The following TAFA1 variants were observed in gnomAD, a reference collection of about 807,000 sequenced individuals.
TAFA1 encodes chemokine-like protein TAFA-1.
Under a neutral mutation model 18.5 loss-of-function variants are expected in TAFA1, and 4 were observed. That is an observed-to-expected ratio of 0.22 (90% confidence interval 0.11 to 0.49). TAFA1 has a LOEUF of 0.49. Among genes scored for constraint, TAFA1 ranks in the 20% least tolerant of loss-of-function variants. TAFA1 has a pLI of 0.98. For synonymous variants in TAFA1, 56 were observed against 55.2 expected, an observed-to-expected ratio of 1.01 and a Z score of -0.06; for missense variants, 147 against 169.0, an observed-to-expected ratio of 0.87 and a Z score of 0.72.
At chr3:68,035,864 T>C (rs1705035903) in intron 2 of TAFA1, among the ~76,000 whole-genome samples, 1 of 152,096 alleles carries the variant, frequency 6.6e-6, no homozygotes, top group South Asian at 2.1e-4. Context: ...TACAGAAACA[T>C]GCAGCAACAG....
chr3:67,994,450 A>G, the TAFA1 span, among the ~76,000 whole-genome samples: 2 of 152,172 alleles, frequency 1.3e-5, no homozygotes, highest in Admixed American at 1.3e-4. Context: ...TTATATTTCC[A>G]TTGTTATAGG....
intron 2 of TAFA1, among the ~76,000 whole-genome samples, chr3:68,149,553 G>A (rs113318201): frequency 4.6e-5 from 7 of 152,256 alleles, no homozygotes; most frequent in African/African-American, 1.7e-4. Context: ...TGGCAAGAGA[G>A]GAAGTAAGAG....
At chr3:68,025,721 C>T (rs1704800018) in intron 2 of TAFA1, among the ~76,000 whole-genome samples, 1 of 152,136 alleles carries the variant, frequency 6.6e-6, no homozygotes, top group African/African-American at 2.4e-5. Flanking sequence ...ATGCTCTTCC[C>T]CAGATGTCTA....
chr3:68,428,359 G>T (rs2071098324), intron 3 of TAFA1, among the ~76,000 whole-genome samples: 1 of 151,840 alleles, frequency 6.6e-6, no homozygotes, highest in Admixed American at 6.6e-5. Flanking sequence ...TTTATTAGCT[G>T]CCTTCAAGTG....
chr3:68,309,387 C>A (rs914809817), intron 2 of TAFA1, among the ~76,000 whole-genome samples: 1 of 152,140 alleles, frequency 6.6e-6, no homozygotes, highest in Non-Finnish European at 1.5e-5. Context: ...TGAACACCTA[C>A]AATAATCAAG....
chr3:68,341,494 C>T (rs1157683845), intron 2 of TAFA1, among the ~76,000 whole-genome samples: 2 of 152,148 alleles, frequency 1.3e-5, no homozygotes, highest in Non-Finnish European at 2.9e-5. Flanking sequence ...CAGCTAGAGG[C>T]TGCATGGCTC....
intron 2 of TAFA1, among the ~76,000 whole-genome samples, chr3:68,086,017 C>G (rs574302684): frequency 6.6e-6 from 1 of 152,184 alleles, no homozygotes; most frequent in Admixed American, 6.5e-5. Flanking sequence ...GATGAGCCCA[C>G]GATTCTCCCC....
At chr3:68,450,239 G>A (rs1433492789) in intron 3 of TAFA1, among the ~76,000 whole-genome samples, 1 of 152,164 alleles carries the variant, frequency 6.6e-6, no homozygotes, top group South Asian at 2.1e-4. Context: ...GTTTGTACTT[G>A]GAGGCTGTTT....
chr3:68,043,114 TG>T (rs1055627507), intron 2 of TAFA1, among the ~76,000 whole-genome samples: 1 of 152,038 alleles, frequency 6.6e-6, no homozygotes, highest in Admixed American at 6.6e-5. Flanking sequence ...TCACGTGATC[TG>T]CCTGCCTCGG....
chr3:68,280,879 G>A (rs140476891), intron 2 of TAFA1, among the ~76,000 whole-genome samples: 45 of 152,178 alleles, frequency 3.0e-4, no homozygotes, highest in Admixed American at 5.9e-4. Context: ...TCAACTTTGT[G>A]TTCTTAGGCA....
intron 2 of TAFA1, among the ~76,000 whole-genome samples, chr3:68,271,557 T>C (rs56285061): frequency 0.015 from 2,321 of 152,210 alleles, 61 homozygotes; most frequent in East Asian, 0.11. Context: ...GGGAGTAAAA[T>C]GACACGTTCC....
chr3:68,128,207 C>T (rs1025971051), intron 2 of TAFA1, among the ~76,000 whole-genome samples: 5 of 152,128 alleles, frequency 3.3e-5, no homozygotes, highest in Non-Finnish European at 7.4e-5. Context: ...AGGCTACACA[C>T]TTAACTCCAT....
At chr3:68,431,899 G>A (rs2071181612) in intron 3 of TAFA1, among the ~76,000 whole-genome samples, 1 of 151,866 alleles carries the variant, frequency 6.6e-6, no homozygotes, top group Non-Finnish European at 1.5e-5. Flanking sequence ...ACTCTAAGGG[G>A]TCCACGTGAA....
intron 3 of TAFA1, among the ~76,000 whole-genome samples, chr3:68,492,926 C>T (rs1441005616): frequency 6.6e-6 from 1 of 152,124 alleles, no homozygotes; most frequent in East Asian, 1.9e-4. Flanking sequence ...TGGCTCCATC[C>T]AAGATGTGCT....
chr3:68,050,256 G>C (rs2064452054), intron 2 of TAFA1, among the ~76,000 whole-genome samples: 1 of 152,146 alleles, frequency 6.6e-6, no homozygotes, highest in African/African-American at 2.4e-5. Flanking sequence ...CCACTGTGAG[G>C]ATGTGGGTAC....
chr3:68,140,069 T>A (rs1392407973), intron 2 of TAFA1, among the ~76,000 whole-genome samples: 1 of 152,208 alleles, frequency 6.6e-6, no homozygotes, highest in African/African-American at 2.4e-5. Context: ...GTGCTCAGTT[T>A]CACTCTTGCA....
intron 2 of TAFA1, among the ~76,000 whole-genome samples, chr3:68,061,401 G>C (rs901316932): frequency 4.5e-4 from 68 of 152,298 alleles, no homozygotes; most frequent in African/African-American, 1.6e-3. Context: ...GAGAAGTCCT[G>C]AGAAAGGAGA....
chr3:68,521,471 C>T (rs968687012), intron 3 of TAFA1, among the ~76,000 whole-genome samples: 2 of 152,124 alleles, frequency 1.3e-5, no homozygotes, highest in African/African-American at 4.8e-5. Context: ...TGTACAATCA[C>T]TGGCCTCACG....
At chr3:68,361,792 T>C (rs544180598) in intron 2 of TAFA1, among the ~76,000 whole-genome samples, 4 of 152,238 alleles carry the variant, frequency 2.6e-5, no homozygotes, top group African/African-American at 7.2e-5. Context: ...CATTATTTAA[T>C]TTACTTGTGA....
Sources: gnomAD v4.1 joint callset for allele counts (sites outside exome capture counted in the v4.1 genomes callset) on GRCh38, gnomAD v4.1.1 for gene constraint, MANE v1.5 for transcripts, NCBI Gene and HGNC (gene_info 2026-07-23, HGNC 2026-07-21) for gene names.